FBXL13: variants seen among roughly 807,000 people sequenced by gnomAD.
FBXL13 encodes the protein F-box and leucine rich repeat protein 13.
Under a neutral mutation model 83.6 loss-of-function variants are expected in FBXL13, and 67 were observed. The observed-to-expected ratio is 0.80, with a 90% CI of 0.66 to 0.98. The LOEUF (loss-of-function observed/expected upper bound fraction) is 0.98. Among genes scored for constraint, FBXL13 ranks in the 50% least tolerant of loss-of-function variants. The probability of loss-of-function intolerance (pLI) is 0.00; values close to 1 mark genes in which losing one functional copy is unlikely to be tolerated. For missense variants in FBXL13, 822 were observed against 866.5 expected, an observed-to-expected ratio of 0.95 and a Z score of 0.64; for synonymous variants, 272 against 299.5, an observed-to-expected ratio of 0.91 and a Z score of 0.95.
intron 6 of FBXL13, among the ~76,000 whole-genome samples, chr7:102,995,783 C>CTAAATAAATACA (rs1554494730): frequency 7.0e-6 from 1 of 142,574 alleles, no homozygotes; most frequent in Non-Finnish European, 1.5e-5. Context: ...AAGACTCTGT[C>CTAAATAAATACA]TAAATAAATA....
At chr7:103,012,575 G>A (rs1016440322) in intron 6 of FBXL13, among the ~76,000 whole-genome samples, 1 of 152,068 alleles carries the variant, frequency 6.6e-6, no homozygotes, top group Non-Finnish European at 1.5e-5. Flanking sequence ...AAACAACGGA[G>A]AAATAAAATA....
At chr7:102,914,682 G>A (rs555866163) in intron 10 of FBXL13, among the ~76,000 whole-genome samples, 1 of 152,330 alleles carries the variant, frequency 6.6e-6, no homozygotes, top group African/African-American at 2.4e-5. Context: ...ATCCCGATCT[G>A]GGAAGGGCTG....
chr7:103,053,191 C>T (rs570924213), intron 2 of FBXL13, among the ~76,000 whole-genome samples: 1 of 152,206 alleles, frequency 6.6e-6, no homozygotes, highest in East Asian at 1.9e-4. Context: ...GCTCTTGTGT[C>T]GCCCAGGCTG....
At chr7:102,880,080 A>G (rs1228720120) in intron 14 of FBXL13, among the ~76,000 whole-genome samples, 1 of 152,206 alleles carries the variant, frequency 6.6e-6, no homozygotes, top group Non-Finnish European at 1.5e-5. Flanking sequence ...TCTTTTAAAT[A>G]TGTATTTTTA....
At chr7:102,945,265 G>A (rs1822274579) in intron 8 of FBXL13, among the ~76,000 whole-genome samples, 1 of 152,182 alleles carries the variant, frequency 6.6e-6, no homozygotes, top group African/African-American at 2.4e-5. Context: ...CTGAATAACA[G>A]CTGTAGATGG....
At position 102,883,761 on chromosome 7, in the gene FBXL13, T is replaced by A. The variant is rs1810427055; in HGVS notation, c.1108-76A>T. The A allele has an allele frequency of 8.3e-6, 7 of 838,346 alleles. No homozygotes were observed. In the South Asian group the frequency reaches 1.2e-4, roughly 14 times the overall value. The allele number at this position is 838,346 out of a possible 1,614,324, so 51.9% of individuals were successfully genotyped here. ...GCAAGGTAATGAAGTCACTTTTTCC[T>A]TCAATATATTAGAGACAGACATGTT... On this transcript the variant is annotated intron_variant, in intron 12 of 19. Coordinates refer to ENST00000313221, the Ensembl canonical transcript of FBXL13.
At chr7:102,919,506 T>C (rs1264291733) in intron 10 of FBXL13, among the ~76,000 whole-genome samples, 5 of 152,160 alleles carry the variant, frequency 3.3e-5, no homozygotes, top group African/African-American at 4.8e-5. Flanking sequence ...GAAAAATTAA[T>C]TGAAGGAACA....
intron 8 of FBXL13, among the ~76,000 whole-genome samples, chr7:102,956,397 G>A (rs1225623467): frequency 1.3e-5 from 2 of 151,578 alleles, no homozygotes; most frequent in Admixed American, 1.3e-4. Flanking sequence ...AACAATAAGA[G>A]CTATTTATGA....
chr7:102,868,937 G>A (rs1016513912), intron 16 of FBXL13, among the ~76,000 whole-genome samples: 2 of 152,108 alleles, frequency 1.3e-5, no homozygotes, highest in African/African-American at 4.8e-5. Context: ...CAAAGTGCTG[G>A]GATTGCAGGC....
intron 6 of FBXL13, among the ~76,000 whole-genome samples, chr7:103,014,651 C>T (rs968935341): frequency 2.0e-5 from 3 of 151,988 alleles, no homozygotes; most frequent in East Asian, 1.9e-4. Flanking sequence ...GGGCCGGGCG[C>T]GGTGGCTCAC....
chr7:102,865,112 A>C (rs537372827), intron 16 of FBXL13, among the ~76,000 whole-genome samples: 5 of 152,320 alleles, frequency 3.3e-5, no homozygotes, highest in Admixed American at 2.6e-4. Flanking sequence ...ACAATGAGTA[A>C]ATATTTGTTG....
intron 2 of FBXL13, among the ~76,000 whole-genome samples, chr7:103,050,532 T>C (rs1353553718): frequency 6.6e-6 from 1 of 152,244 alleles, no homozygotes; most frequent in Non-Finnish European, 1.5e-5. Context: ...CTGTCATCTT[T>C]AATCCAACCT....
chr7:102,916,791 T>G (rs1488347680), intron 10 of FBXL13, among the ~76,000 whole-genome samples: 1 of 147,974 alleles, frequency 6.8e-6, no homozygotes, highest in East Asian at 2.1e-4. Context: ...CTGTTTCTTA[T>G]GGGGGGGGGT....
chr7:102,828,643 A>G (rs931207680), intron 18 of FBXL13, among the ~76,000 whole-genome samples: 15 of 152,178 alleles, frequency 9.9e-5, no homozygotes, highest in Non-Finnish European at 1.5e-5. Context: ...AATGAGGGTA[A>G]TTTAAAACAG....
exon 16 of FBXL13, chr7:102,877,515 G>T (rs772045936): frequency 6.2e-7 from 1 of 1,611,234 alleles, no homozygotes; most frequent in Non-Finnish European, 8.5e-7. Context: ...CCAAGGAAAA[G>T]ATGTTTACAA....
chr7:102,877,320 C>T (rs1809402958), intron 16 of FBXL13, 147 bp downstream of exon 17: 1 of 643,502 alleles, frequency 1.6e-6, no homozygotes, highest in Non-Finnish European at 2.3e-6. Flanking sequence ...TTTCTATCAC[C>T]CTTCTAGAAA....
intron 9 of FBXL13, among the ~76,000 whole-genome samples, chr7:102,926,642 T>C (rs1418333730): frequency 2.0e-5 from 3 of 152,162 alleles, no homozygotes; most frequent in Non-Finnish European, 2.9e-5. Context: ...TGTGAACCCA[T>C]GCAAGTTCAA....
chr7:102,968,344 T>C (rs559084092), intron 6 of FBXL13, among the ~76,000 whole-genome samples: 5 of 152,362 alleles, frequency 3.3e-5, no homozygotes, highest in African/African-American at 1.2e-4. Context: ...ACTCCTTTTA[T>C]ATAATGTAAT....
At chr7:103,005,565 G>A (rs2129485977) in intron 6 of FBXL13, among the ~76,000 whole-genome samples, 1 of 152,254 alleles carries the variant, frequency 6.6e-6, no homozygotes, top group Non-Finnish European at 1.5e-5. Flanking sequence ...TAAAGAAACT[G>A]GTCAATTCCT....
Sources: gnomAD v4.1 joint callset for allele counts (sites outside exome capture counted in the v4.1 genomes callset) on GRCh38, gnomAD v4.1.1 for gene constraint, MANE v1.5 for transcripts, NCBI Gene and HGNC (gene_info 2026-07-23, HGNC 2026-07-21) for gene names.